ANO1: variants seen among roughly 807,000 people sequenced by gnomAD.
The protein encoded by ANO1 is anoctamin-1.
In ANO1, 59 loss-of-function variants were observed where a neutral mutation model predicts 124.0. That is an observed-to-expected ratio of 0.48 (90% CI 0.39 to 0.59). ANO1 has a LOEUF of 0.59. Among genes scored for constraint, ANO1 ranks in the 20% least tolerant of loss-of-function variants. The pLI is 0.00. For synonymous variants in ANO1, 529 were observed against 532.0 expected (o/e 0.99, Z 0.08); for missense variants, 1,059 against 1,328.0 (o/e 0.80, Z 3.15).
intron 1 of ANO1, among the ~76,000 whole-genome samples, chr11:70,081,702 C>T (rs998717897): frequency 1.3e-5 from 2 of 152,186 alleles, no homozygotes; most frequent in African/African-American, 4.8e-5. Flanking sequence ...AGTCCCAGGA[C>T]AGTATTAAAG....
At chr11:70,129,385 G>C (rs1045944058) in intron 10 of ANO1, 5 of 152,336 alleles carry the variant, frequency 3.3e-5, no homozygotes, top group African/African-American at 1.2e-4. Flanking sequence ...CCATTCTGCA[G>C]CCGGGAAAAC....
chr11:70,117,096 C>CT (rs1479602475), intron 8 of ANO1, among the ~76,000 whole-genome samples: 70 of 75,914 alleles, frequency 9.2e-4, no homozygotes, highest in Admixed American at 1.5e-3. Flanking sequence ...TTCTTTGTTT[C>CT]TTTCTTTTTT....
chr11:69,974,960 A>C, the ANO1 span, among the ~76,000 whole-genome samples: 1 of 151,524 alleles, frequency 6.6e-6, no homozygotes, highest in East Asian at 1.9e-4. Flanking sequence ...ACACAGGGAG[A>C]AGGTGGCCGT....
At chr11:70,111,054 C>T (rs1371807554) in intron 6 of ANO1, 13 of 440,284 alleles carry the variant, frequency 3.0e-5, no homozygotes, top group East Asian at 7.1e-5. Flanking sequence ...TGGCCACTGA[C>T]GCTTGCTGCC....
intron 8 of ANO1, among the ~76,000 whole-genome samples, chr11:70,120,472 T>C (rs1377705603): frequency 6.6e-6 from 1 of 151,854 alleles, no homozygotes; most frequent in African/African-American, 2.4e-5. Flanking sequence ...GGGAGAGGGG[T>C]GGCTTGGGTT....
intron 8 of ANO1, among the ~76,000 whole-genome samples, chr11:70,121,725 A>C (rs1162104447): frequency 6.4e-5 from 5 of 78,030 alleles, no homozygotes; most frequent in East Asian, 3.8e-4. Flanking sequence ...CTGCCTCTCC[A>C]TCTGCTTCTG....
the ANO1 span, among the ~76,000 whole-genome samples, chr11:69,968,065 A>G: frequency 1.3e-5 from 2 of 152,152 alleles, no homozygotes; most frequent in African/African-American, 2.4e-5. Flanking sequence ...TTTGGGGTCC[A>G]CTATATCTAT....
intron 1 of ANO1, chr11:70,085,720 TCC>T: frequency 1.4e-6 from 2 of 1,430,732 alleles, no homozygotes; most frequent in Non-Finnish European, 1.8e-6. Context: ...CCTCTCTCCT[TCC>T]CCTACAACTA....
intron 2 of ANO1, among the ~76,000 whole-genome samples, chr11:70,095,408 AAGAAAGAAAGAAAGAAAGAAAAG>A (rs2044890745): frequency 2.4e-5 from 1 of 41,656 alleles, no homozygotes; most frequent in South Asian, 1.0e-3. Flanking sequence ...GAAAGAAAGA[AAGAAAGAAAGAAAGAAAGAAAAG>A]AAAAGAAAGA....
At chr11:70,011,779 C>T (rs1220680689) in intron 1 of ANO1, among the ~76,000 whole-genome samples, 1 of 152,216 alleles carries the variant, frequency 6.6e-6, no homozygotes, top group Non-Finnish European at 1.5e-5. Flanking sequence ...CTCATTCTTG[C>T]AGCATCCACG....
chr11:69,977,792 G>A, the ANO1 span, among the ~76,000 whole-genome samples: 5 of 152,378 alleles, frequency 3.3e-5, no homozygotes, highest in South Asian at 1.0e-3. Flanking sequence ...GAAGACAGGG[G>A]CAGAGGCTGT....
At chr11:70,043,679 T>A (rs1170082949) in intron 1 of ANO1, among the ~76,000 whole-genome samples, 1 of 152,100 alleles carries the variant, frequency 6.6e-6, no homozygotes, top group South Asian at 2.1e-4. Flanking sequence ...CTTTAAAGCA[T>A]GAAAGAAACA....
At chr11:70,063,832 G>A (rs549776374) in intron 1 of ANO1, 1 of 152,422 alleles carries the variant, frequency 6.6e-6, no homozygotes, top group South Asian at 2.1e-4. Flanking sequence ...CCCTGCCTCT[G>A]AATCTTGCTC....
intron 16 of ANO1, 109 bp from the exon 17 acceptor site, chr11:70,161,052 C>A (rs1425729066): frequency 9.6e-7 from 1 of 1,045,358 alleles, no homozygotes; most frequent in Non-Finnish European, 1.4e-6. Context: ...TGTTTTGAAG[C>A]AGAAGAGCGG....
intron 18 of ANO1, among the ~76,000 whole-genome samples, chr11:70,162,170 C>A (rs913728747): frequency 4.1e-5 from 6 of 144,924 alleles, no homozygotes; most frequent in Admixed American, 4.1e-4. Context: ...GGAGTGAGGG[C>A]CTTGGGCAGT....
At position 70,026,897 on chromosome 11, in the gene ANO1, C is replaced by T. The variant is rs115741452; in HGVS notation, c.58+40731C>T. On this transcript the variant is annotated intron_variant, in intron 1 of 27. Coordinates refer to the ANO1 transcript ENST00000531349. Reference sequence around the variant, plus strand: ...ACACTGGCCACCTTAACACCAGGTCCTCAAACACCAGGTGTGTTTCCACCC... The same window carrying T: ...ACACTGGCCACCTTAACACCAGGTCTTCAAACACCAGGTGTGTTTCCACCC... Among the ~76,000 whole-genome samples the T allele has an allele frequency of 9.7e-3, 1,483 of 152,266 alleles. 26 individuals are homozygous for T. Among genetic ancestry groups the T allele is most frequent in the African/African-American group, 0.034 (1,415 of 41,540 alleles).
intron 1 of ANO1, among the ~76,000 whole-genome samples, chr11:70,046,277 A>G (rs1217360424): frequency 2.0e-5 from 3 of 152,140 alleles, no homozygotes; most frequent in Admixed American, 2.0e-4. Context: ...TTATTCAAGC[A>G]TTTGCATGCC....
At chr11:70,147,854 G>T (rs548106471) in intron 11 of ANO1, among the ~76,000 whole-genome samples, 14 of 152,276 alleles carry the variant, frequency 9.2e-5, no homozygotes, top group Non-Finnish European at 1.6e-4. Context: ...CCTGCTGTGG[G>T]TCATCTCTGG....
chr11:70,131,569 C>T (rs2046760852), intron 10 of ANO1, among the ~76,000 whole-genome samples: 1 of 152,210 alleles, frequency 6.6e-6, no homozygotes, highest in Non-Finnish European at 1.5e-5. Flanking sequence ...CTCAGGTGAT[C>T]CGCCCGCCTT....
Sources: gnomAD v4.1 joint callset for allele counts (sites outside exome capture counted in the v4.1 genomes callset) on GRCh38, gnomAD v4.1.1 for gene constraint, MANE v1.5 for transcripts, NCBI Gene and HGNC (gene_info 2026-07-23, HGNC 2026-07-21) for gene names.